Variants in XRCC4 observed in about 807,000 individuals in gnomAD.
XRCC4 encodes DNA repair protein XRCC4.
Under a neutral mutation model 39.1 loss-of-function variants are expected in XRCC4, and 28 were observed. The observed-to-expected ratio is 0.72, with a 90% CI of 0.53 to 0.98. The LOEUF (loss-of-function observed/expected upper bound fraction) is 0.98, where lower values mean the gene tolerates loss of function less well. Ranked by LOEUF, XRCC4 falls within the 50% of genes least tolerant of loss-of-function variation. The probability of loss-of-function intolerance (pLI) is 0.00; values close to 1 mark genes in which losing one functional copy is unlikely to be tolerated. For missense variants in XRCC4, 350 were observed against 376.4 expected (o/e 0.93, Z 0.58); for synonymous variants, 123 against 126.4 (o/e 0.97, Z 0.18).
In XRCC4 at chr5:83,267,088, A is replaced by G. The variant is rs573989020; in HGVS notation, c.893+8411A>G. ...CCATAGTAGGTATGAAAGCTATGAA[A>G]TTTCAGAGGAAAGAGAGTTGCTAAT... On this transcript the variant is annotated intron_variant, in intron 7 of 7. Coordinates refer to ENST00000396027, the MANE Select transcript of XRCC4 (RefSeq NM_003401.5). 3.3e-5 allele frequency among the ~76,000 whole-genome samples: 5 copies of G among 152,268 alleles called. No individual in the cohort carries two copies. In the East Asian group the frequency reaches 7.7e-4, roughly 24 times the overall value.
At chr5:83,195,273 T>A (rs1405296749) in intron 3 of XRCC4, among the ~76,000 whole-genome samples, 1 of 152,188 alleles carries the variant, frequency 6.6e-6, no homozygotes, top group African/African-American at 2.4e-5. Context: ...TGTCTTTAGA[T>A]AAAAGAGTAA....
At chr5:83,300,688 G>A (rs1167368073) in intron 7 of XRCC4, among the ~76,000 whole-genome samples, 5 of 151,244 alleles carry the variant, frequency 3.3e-5, no homozygotes, top group African/African-American at 1.2e-4. Flanking sequence ...CCATCAACCG[G>A]TCATCTACAT....
In XRCC4 at chr5:83,254,050, G is replaced by A. The variant is rs190107469; in HGVS notation, c.746-4480G>A. On this transcript the variant is annotated intron_variant, in intron 6 of 7. Coordinates refer to ENST00000396027, the MANE Select transcript of XRCC4 (RefSeq NM_003401.5). Reference sequence around the variant, plus strand: ...CACGGCCATACCAATCAGTATTCCAGCTGTAGTAAGTTAATTGGCAATCGT... The same window carrying A: ...CACGGCCATACCAATCAGTATTCCAACTGTAGTAAGTTAATTGGCAATCGT... Among the ~76,000 whole-genome samples the A allele has an allele frequency of 8.3e-4, 125 of 150,510 alleles. 2 individuals are homozygous for A. Among genetic ancestry groups the A allele is most frequent in the Non-Finnish European group, 8.0e-4 (54 of 67,792 alleles).
intron 3 of XRCC4, among the ~76,000 whole-genome samples, chr5:83,159,939 A>G (rs1381113080): frequency 6.6e-6 from 1 of 152,118 alleles, no homozygotes; most frequent in Non-Finnish European, 1.5e-5. Context: ...AGAGCCTCTG[A>G]AATTCTGATT....
At chr5:83,211,538 C>A (rs1751645463) in intron 6 of XRCC4, among the ~76,000 whole-genome samples, 1 of 152,036 alleles carries the variant, frequency 6.6e-6, no homozygotes, top group Non-Finnish European at 1.5e-5. Context: ...ACAGTTCTGG[C>A]CTAACCTAGA....
At chr5:83,083,375 A>ATTTTTTT (rs576959639) in intron 1 of XRCC4, among the ~76,000 whole-genome samples, 2 of 126,876 alleles carry the variant, frequency 1.6e-5, no homozygotes, top group Admixed American at 8.0e-5. Flanking sequence ...TGAATCTGTA[A>ATTTTTTT]TTTTTTTTTT....
chr5:83,113,869 G>GC (rs925654788), intron 3 of XRCC4, among the ~76,000 whole-genome samples: 3 of 152,034 alleles, frequency 2.0e-5, no homozygotes, highest in African/African-American at 4.8e-5. Flanking sequence ...CTCGTGATCC[G>GC]CCCGCCTCAG....
chr5:83,139,283 T>G (rs772845137), intron 3 of XRCC4, among the ~76,000 whole-genome samples: 11 of 152,170 alleles, frequency 7.2e-5, no homozygotes, highest in Non-Finnish European at 1.5e-4. Context: ...CAAGATTAGA[T>G]TGAGTTTATA....
chr5:83,210,385 A>G (rs1468798964), intron 6 of XRCC4, among the ~76,000 whole-genome samples: 1 of 152,134 alleles, frequency 6.6e-6, no homozygotes, highest in African/African-American at 2.4e-5. Flanking sequence ...ATACATAACC[A>G]TTGTTGCTAG....
At chr5:83,288,860 C>A (rs1431929292) in intron 7 of XRCC4, among the ~76,000 whole-genome samples, 2 of 151,726 alleles carry the variant, frequency 1.3e-5, no homozygotes, top group African/African-American at 4.8e-5. Flanking sequence ...ATTATTACTT[C>A]AAATATTTTT....
chr5:83,313,633 T>C (rs1044234128), intron 7 of XRCC4, among the ~76,000 whole-genome samples: 1 of 152,148 alleles, frequency 6.6e-6, no homozygotes, highest in Non-Finnish European at 1.5e-5. Context: ...GCCACGCCAA[T>C]CTCTTACATA....
In XRCC4 at chr5:83,336,669, G is replaced by C. The variant is rs28360328; in HGVS notation, c.894-16462G>C. 1.2e-3 allele frequency among the ~76,000 whole-genome samples: 187 copies of C among 152,232 alleles called. 5 individuals carry two copies. The East Asian group carries it at 0.032, about 26-fold the overall frequency. On this transcript the variant is annotated intron_variant, in intron 7 of 7. Coordinates refer to ENST00000396027, the MANE Select transcript of XRCC4 (RefSeq NM_003401.5). ...TTTAATAATAATAATTTAATGAAGCGTAGGTTAATAGAAAACTCAACTAAC... is the reference window on the plus strand; with the variant it reads ...TTTAATAATAATAATTTAATGAAGCCTAGGTTAATAGAAAACTCAACTAAC...
At chr5:83,114,784 T>A (rs1450854352) in intron 3 of XRCC4, among the ~76,000 whole-genome samples, 1 of 152,226 alleles carries the variant, frequency 6.6e-6, no homozygotes, top group African/African-American at 2.4e-5. Context: ...CATTTTCGGG[T>A]ACCTTTATAG....
chr5:83,217,358 C>CAAA lies in XRCC4; in HGVS notation c.745+12454_745+12456dup, dbSNP rs59416363. Among the ~76,000 whole-genome samples, 282 of 96,006 alleles carry CAAA rather than the reference C, an allele frequency of 2.9e-3. 12 individuals are homozygous for CAAA. Among genetic ancestry groups the CAAA allele is most frequent in the African/African-American group, 9.0e-3 (191 of 21,224 alleles). The allele number at this position is 96,006 out of a possible 152,430, so 63.0% of individuals were successfully genotyped here. ...GGCAGCGCAGAGCAAGACTCCGTCT[C>CAAA]AAAAAAAAAAAAAAAAAAACCATTG... On this transcript the variant is annotated intron_variant, in intron 6 of 7. Coordinates refer to ENST00000396027, the MANE Select transcript of XRCC4 (RefSeq NM_003401.5).
rs141254787 is a variant in XRCC4 at position 83,162,059 on chromosome 5, C to G, written c.316-33711C>G. Among the ~76,000 whole-genome samples, 623 of 151,888 alleles carry G rather than the reference C, an allele frequency of 4.1e-3. 2 individuals are homozygous for G. Among genetic ancestry groups the G allele is most frequent in the African/African-American group, 0.011 (475 of 41,418 alleles). On this transcript the variant is annotated intron_variant, in intron 3 of 7. Transcript: ENST00000396027. ...GCGGGTGCCTGTAGTCCCAGCTACT[C>G]GGGAGGCTGAGGCAGGAGTGTGGCA...
At chr5:83,314,796 T>C (rs1755822761) in intron 7 of XRCC4, among the ~76,000 whole-genome samples, 1 of 152,138 alleles carries the variant, frequency 6.6e-6, no homozygotes, top group Admixed American at 6.6e-5. Flanking sequence ...GTTGCATGCA[T>C]TCTGACTGCT....
chr5:83,173,305 C>T (rs1166661890), intron 3 of XRCC4, among the ~76,000 whole-genome samples: 1 of 152,040 alleles, frequency 6.6e-6, no homozygotes, highest in Non-Finnish European at 1.5e-5. Flanking sequence ...CTACTATTAT[C>T]CCCCAAATTT....
At chr5:83,124,435 A>G (rs1747161775) in intron 3 of XRCC4, among the ~76,000 whole-genome samples, 1 of 152,168 alleles carries the variant, frequency 6.6e-6, no homozygotes, top group African/African-American at 2.4e-5. Flanking sequence ...AAATCGTTGA[A>G]TGTATCAGTA....
In XRCC4 at chr5:83,344,128, TCTCACACACA is replaced by T. The variant is rs1756845035; in HGVS notation, c.894-9001_894-8992del. On this transcript the variant is annotated intron_variant, in intron 7 of 7. Transcript: ENST00000396027. ...ACATACACAGATACACTGACACAGA[TCTCACACACA>T]CACACACACACACACACACACACTT... 6.7e-5 allele frequency among the ~76,000 whole-genome samples: 9 copies of T among 134,754 alleles called. No individual in the cohort carries two copies. The Admixed American group carries it at 6.7e-4, about 10-fold the overall frequency. 88.4% of individuals were successfully genotyped at this position (134,754 alleles called of 152,430 possible).
Sources: gnomAD v4.1 joint callset for allele counts (sites outside exome capture counted in the v4.1 genomes callset) on GRCh38, gnomAD v4.1.1 for gene constraint, MANE v1.5 for transcripts, NCBI Gene and HGNC (gene_info 2026-07-23, HGNC 2026-07-21) for gene names.